Variants in PCDHGA5 observed in about 807,000 individuals in gnomAD.
PCDHGA5 encodes protocadherin gamma-A5.
PCDHGA5 carries 36 observed loss-of-function variants against 56.7 expected under a neutral mutation model. The ratio of observed to expected loss-of-function variants is 0.64; its 90% confidence interval spans 0.49 to 0.84. The LOEUF is 0.84. Ranked by LOEUF, PCDHGA5 falls within the 40% of genes least tolerant of loss-of-function variation. PCDHGA5 has a pLI of 0.00. For synonymous variants in PCDHGA5, 563 were observed against 520.2 expected, an observed-to-expected ratio of 1.08 and a Z score of -1.12; for missense variants, 1,305 against 1,201.5, an observed-to-expected ratio of 1.09 and a Z score of -1.27.
At chr5:141,369,226 G>A (rs1028209484) in intron 1 of PCDHGA5, among the ~76,000 whole-genome samples, 2 of 152,058 alleles carry the variant, frequency 1.3e-5, no homozygotes, top group African/African-American at 4.8e-5. Context: ...AAAGTGGACA[G>A]GAAGATTACT....
rs1457765340 is a variant in PCDHGA5 at position 141,491,122 on chromosome 5, G to GT, written c.2422-3684dup. 1 of 1,614,058 alleles carries GT rather than the reference G, an allele frequency of 6.2e-7. No homozygotes were observed. Among genetic ancestry groups the GT allele is most frequent in the Non-Finnish European group, 8.5e-7 (1 of 1,180,036 alleles). Reference sequence around the variant, plus strand: ...CCTCGTGTCTACACACACTGGTGAGGTGCGCACAGCCCGGGCCTTACTGGA... The same window carrying GT: ...CCTCGTGTCTACACACACTGGTGAGGTTGCGCACAGCCCGGGCCTTACTGGA... On this transcript the variant is annotated intron_variant, in intron 1 of 3. Coordinates refer to ENST00000518069, the MANE Select transcript of PCDHGA5 (RefSeq NM_018918.3). The surrounding 1 kb of genome is among the most constrained non-coding windows in gnomAD (Gnocchi z 6.9).
intron 1 of PCDHGA5, chr5:141,413,956 G>A (rs2095696052): frequency 2.5e-6 from 4 of 1,613,366 alleles, no homozygotes; most frequent in African/African-American, 2.7e-5. Flanking sequence ...GAATTTGCCT[G>A]TGGGCACTCA....
intron 1 of PCDHGA5, chr5:141,468,351 A>G (rs1030472813): frequency 6.7e-6 from 1 of 149,192 alleles, no homozygotes; most frequent in Non-Finnish European, 1.5e-5. Context: ...AAAAAAAAAG[A>G]AAGAAAAAAG....
intron 1 of PCDHGA5, chr5:141,423,287 C>T: frequency 6.3e-7 from 1 of 1,586,406 alleles, no homozygotes; most frequent in South Asian, 1.1e-5. Flanking sequence ...AACTCTGAAA[C>T]CTCAGACCTC....
intron 1 of PCDHGA5, chr5:141,390,162 A>G: frequency 6.2e-7 from 1 of 1,614,024 alleles, no homozygotes; most frequent in African/African-American, 1.3e-5. Context: ...TACAGGAAAG[A>G]CGGAGTTTAA....
At chr5:141,497,478 C>A (rs974494984) in intron 2 of PCDHGA5, among the ~76,000 whole-genome samples, 1 of 150,954 alleles carries the variant, frequency 6.6e-6, no homozygotes, top group African/African-American at 2.4e-5. Flanking sequence ...GGAGAAGGTG[C>A]GGAACCTCTC....
intron 1 of PCDHGA5, among the ~76,000 whole-genome samples, chr5:141,470,997 A>G (rs905897657): frequency 3.8e-4 from 57 of 150,462 alleles, no homozygotes; most frequent in African/African-American, 1.3e-3. Flanking sequence ...GACTACAGGC[A>G]TGAGCCACTG....
intron 2 of PCDHGA5, among the ~76,000 whole-genome samples, chr5:141,496,013 T>C (rs2154591828): frequency 6.6e-6 from 1 of 152,134 alleles, no homozygotes; most frequent in East Asian, 1.9e-4. Flanking sequence ...CTTGTCTTTT[T>C]TCTCTGAGCC....
intron 1 of PCDHGA5, chr5:141,389,625 G>C: frequency 6.2e-7 from 1 of 1,613,020 alleles, no homozygotes; most frequent in Non-Finnish European, 8.5e-7. Flanking sequence ...GCACGCTGCA[G>C]AGCCTGGCTA....
Position 141,431,145 on chromosome 5 carries a change from A to G in PCDHGA5, c.2422-63662A>G. The G allele has an allele frequency of 1.2e-6, 2 of 1,614,244 alleles. No homozygotes were observed. Among genetic ancestry groups the G allele is most frequent in the Non-Finnish European group, 1.7e-6 (2 of 1,180,042 alleles). On this transcript the variant is annotated intron_variant, in intron 1 of 3. Transcript: ENST00000518069. The surrounding 1 kb of genome is among the most constrained non-coding windows in gnomAD (Gnocchi z 4.8). ...GTAGAAGTAAGGGACATTAACGACA[A>G]TGCGCCTTACTTTCGTGAAAGTGAA... is the stretch of plus-strand genomic sequence containing the variant.
chr5:141,385,690 G>A (rs1308061047), intron 1 of PCDHGA5: 1 of 326,260 alleles, frequency 3.1e-6, no homozygotes, highest in African/African-American at 2.2e-5. Context: ...GTCTTCTCAG[G>A]ATTCTCTTTA....
At position 141,408,734 on chromosome 5, in the gene PCDHGA5, T is replaced by C. The variant is rs376769558; in HGVS notation, c.2421+41983T>C. 1.5e-4 allele frequency: 244 copies of C among 1,610,058 alleles called. No homozygotes were observed. The highest frequency in any genetic ancestry group is 1.9e-4 in the Non-Finnish European group (226 of 1,177,812). On this transcript the variant is annotated intron_variant, in intron 1 of 3. Transcript: ENST00000518069. ...TTATAAGATAAACTCTAATCCTTAT[T>C]TTTCATTAATGGTTAGAGTTAATTC...
At chr5:141,423,090 G>T in intron 1 of PCDHGA5, 5 of 1,614,022 alleles carry the variant, frequency 3.1e-6, no homozygotes, top group South Asian at 2.2e-5. Context: ...TCGCGGTGGG[G>T]GAGCACACGG....
intron 1 of PCDHGA5, among the ~76,000 whole-genome samples, chr5:141,452,909 T>C (rs1408054133): frequency 6.6e-6 from 1 of 152,232 alleles, no homozygotes; most frequent in Non-Finnish European, 1.5e-5. Flanking sequence ...GTTGGCATTA[T>C]ACAGTAAGAA....
chr5:141,368,709 C>T (rs540009128), intron 1 of PCDHGA5, among the ~76,000 whole-genome samples: 5 of 152,276 alleles, frequency 3.3e-5, no homozygotes, highest in African/African-American at 1.2e-4. Flanking sequence ...TTGATCCATA[C>T]ATTTTGAATG....
chr5:141,502,535 G>A (rs910160644), intron 2 of PCDHGA5, among the ~76,000 whole-genome samples: 14 of 152,172 alleles, frequency 9.2e-5, no homozygotes, highest in South Asian at 2.1e-4. Flanking sequence ...GAGTTTGTTC[G>A]TGTGGTAAAA....
At chr5:141,447,549 A>T (rs1387130901) in intron 1 of PCDHGA5, among the ~76,000 whole-genome samples, 1 of 152,216 alleles carries the variant, frequency 6.6e-6, no homozygotes, top group Non-Finnish European at 1.5e-5. Context: ...TAATGTTATG[A>T]GTACACTTGG....
rs1399077321 is a variant in PCDHGA5, at chr5:141,474,090, AAAC to A, written c.2422-20708_2422-20706del. Among the ~76,000 whole-genome samples the A allele has an allele frequency of 2.6e-5, 4 of 152,206 alleles. No individual in the cohort carries two copies. In the East Asian group the frequency reaches 5.8e-4, roughly 22 times the overall value. On this transcript the variant is annotated intron_variant, in intron 1 of 3. Coordinates refer to ENST00000518069, the MANE Select transcript of PCDHGA5 (RefSeq NM_018918.3). ...GCCTCAGAAACAAAAACCAAAAAAC[AAAC>A]AACAACAAAAACAACAACAACGAAA...
rs768206517 is a variant in PCDHGA5, at chr5:141,432,482, G to A, written c.2422-62325G>A. 10 of 1,614,060 alleles carry A rather than the reference G, an allele frequency of 6.2e-6. No homozygotes were observed. The highest frequency in any genetic ancestry group is 1.3e-5 in the African/African-American group (1 of 74,946). On this transcript the variant is annotated intron_variant, in intron 1 of 3. Coordinates refer to ENST00000518069, the MANE Select transcript of PCDHGA5 (RefSeq NM_018918.3). The surrounding 1 kb of genome is among the most constrained non-coding windows in gnomAD (Gnocchi z 6.0). ...CCTCCCCACGGACGGTTCCACTGGC[G>A]TGGAGCTGGCTCCCCGCTCCGCAGA...
Sources: gnomAD v4.1 joint callset for allele counts (sites outside exome capture counted in the v4.1 genomes callset) on GRCh38, gnomAD v4.1.1 for gene constraint, Gnocchi (gnomAD v3.1) non-coding constraint, MANE v1.5 for transcripts, NCBI Gene and HGNC (gene_info 2026-07-23, HGNC 2026-07-21) for gene names.